The following ZNF335 variants were observed in gnomAD, a reference collection of about 807,000 sequenced individuals.
ZNF335 encodes the protein zinc finger protein 335, also known as NRC-interacting factor 1.
A neutral mutation model predicts 145.6 loss-of-function variants in ZNF335; 84 were observed. That is an observed-to-expected ratio of 0.58 (90% confidence interval 0.48 to 0.69). The LOEUF (loss-of-function observed/expected upper bound fraction) is 0.69, where lower values mean the gene tolerates loss of function less well. Among genes scored for constraint, ZNF335 ranks in the 30% least tolerant of loss-of-function variants. The pLI is 0.00. For missense variants in ZNF335, 1,865 were observed against 1,809.7 expected, an observed-to-expected ratio of 1.03 and a Z score of -0.55; for synonymous variants, 761 against 717.0, an observed-to-expected ratio of 1.06 and a Z score of -0.98.
chr20:45,949,563 C>T lies in ZNF335; in HGVS notation c.3675G>A (p.Gln1225=), dbSNP rs902538647. 3.1e-6 allele frequency: 5 copies of T among 1,611,206 alleles called. No homozygotes were observed. Among genetic ancestry groups the T allele is most frequent in the Admixed American group, 3.3e-5 (2 of 59,852 alleles). Residue 1225 remains glutamine (Q), a synonymous_variant, in exon 25 of 28, where the codon CAG becomes CAA. Transcript: ENST00000322927. ...QHLVTSDNQV[Q]YIISQDGVQH... ...GGACACCATCCTGGGAGATGATATACTGCACCTGTTGGTGGGGGGGGCGGG... is the reference window on the plus strand; with the variant it reads ...GGACACCATCCTGGGAGATGATATATTGCACCTGTTGGTGGGGGGGGCGGG...
At chr20:45,965,480 TC>T in intron 7 of ZNF335, 147 bp downstream of exon 7, 1 of 904,882 alleles carries the variant, frequency 1.1e-6, no homozygotes, top group Non-Finnish European at 1.6e-6. Flanking sequence ...TTGAGGGCTT[TC>T]CCCTTTCCCT....
chr20:45,960,583 C>G, intron 12 of ZNF335, 33 bp downstream of exon 12: 1 of 1,613,916 alleles, frequency 6.2e-7, no homozygotes, highest in Non-Finnish European at 8.5e-7. Flanking sequence ...AGGGGAGGCC[C>G]TCCTCTCAGC....
chr20:45,971,336 G>A lies in ZNF335; in HGVS notation c.75C>T (p.Ser25=), dbSNP rs754293621. The A allele has an allele frequency of 6.3e-7, 1 of 1,598,994 alleles. No individual in the cohort carries two copies. The highest frequency in any genetic ancestry group is 8.5e-7 in the Non-Finnish European group (1 of 1,179,132). Residue 25 remains serine (S), a synonymous_variant, in exon 2 of 28, where the codon AGC becomes AGT. Transcript: ENST00000322927. ...GPGRPEEPSE[S]GLGVGTSEAV... is the part of the protein sequence containing the mutation. Reference sequence around the variant, plus strand: ...CTTCTGAGGTGCCCACACCCAGGCCGCTCTCAGAGGGCTCCTCGGGCCGGC... The same window carrying A: ...CTTCTGAGGTGCCCACACCCAGGCCACTCTCAGAGGGCTCCTCGGGCCGGC...
chr20:45,955,890 G>A (rs567608670), intron 17 of ZNF335, among the ~76,000 whole-genome samples: 16 of 152,022 alleles, frequency 1.1e-4, no homozygotes, highest in African/African-American at 3.1e-4. Flanking sequence ...AATATAAAAC[G>A]AAAGAACCCA....
chr20:45,962,482 A>T (rs1320743445), intron 9 of ZNF335, among the ~76,000 whole-genome samples: 7 of 152,244 alleles, frequency 4.6e-5, no homozygotes, highest in Admixed American at 4.6e-4. Context: ...GCCAGGCAGC[A>T]TGGCGCCGCA....
At chr20:45,949,731 T>TC (rs2083592877) in intron 24 of ZNF335, 69 bp downstream of exon 24, 8 of 1,573,172 alleles carry the variant, frequency 5.1e-6, no homozygotes, top group Non-Finnish European at 7.0e-6. Flanking sequence ...GTATCATTCC[T>TC]CCCCAAGGTA....
chr20:45,970,755 G>GTTTTTT (rs5841616), intron 2 of ZNF335, among the ~76,000 whole-genome samples: 3 of 127,876 alleles, frequency 2.3e-5, no homozygotes, highest in Non-Finnish European at 3.3e-5. Flanking sequence ...GGGCACTTGC[G>GTTTTTT]TTTTTTTTTT....
rs2083812702 is a variant in ZNF335 at position 45,960,221 on chromosome 20, A to G, written c.2007T>C (p.Ala669=). The G allele has an allele frequency of 4.3e-6, 7 of 1,614,016 alleles. No homozygotes were observed. The highest frequency in any genetic ancestry group is 5.9e-6 in the Non-Finnish European group (7 of 1,180,016). ...GTCCAGCCTGACCTGTGTGCTTGAC[A>G]GCCACATGGGACAGCAAGAAGTCCT... The part of the protein sequence containing the change: ...FREDFLLSHV[A]VKHTGAKPFA... Residue 669 remains alanine, a synonymous_variant, in exon 14 of 28, where the codon GCT becomes GCC. Coordinates refer to ENST00000322927, the MANE Select transcript of ZNF335 (RefSeq NM_022095.4).
intron 20 of ZNF335, among the ~76,000 whole-genome samples, chr20:45,951,931 G>C (rs1277655509): frequency 6.6e-6 from 1 of 152,208 alleles, no homozygotes; most frequent in Non-Finnish European, 1.5e-5. Flanking sequence ...TCACACTCGG[G>C]ACACTGTGTC....
chr20:45,952,230 T>A lies in ZNF335; in HGVS notation c.3106A>T (p.Ser1036Cys). The change falls in exon 20 of 28, where the codon AGT (serine) becomes TGT (cysteine). Residue 1036 changes from serine (S) to cysteine (C), a missense_variant. By Grantham distance (112) the Ser-to-Cys change is moderately radical. Transcript: ENST00000322927. ...GGCCCAGCGTGGGCCCGCTTGTGAC[T>A]CTCCATCTCAGCTCGGCCAGGGAAG... is the stretch of plus-strand genomic sequence containing the variant. ...EAFPGRAEME[S>C]HKRAHAGPGA... The A allele has an allele frequency of 1.2e-6, 2 of 1,613,216 alleles. No homozygotes were observed. Among genetic ancestry groups the A allele is most frequent in the Non-Finnish European group, 8.5e-7 (1 of 1,179,990 alleles).
Position 45,963,501 on chromosome 20 carries a change from T to C in ZNF335, c.1505A>G (p.Tyr502Cys), listed in dbSNP as rs753888773. ...GAGCGAGGACCAGCGGCGGGAACGA[T>C]AGCTGCACTGCAGGCACTTGAAGAG... is the stretch of plus-strand genomic sequence containing the variant. Reference protein sequence around the residue: ...PQLFKCLQCSYRSRRWSSLKE... With the variant: ...PQLFKCLQCSCRSRRWSSLKE... The change falls in exon 9 of 28, where the codon TAT becomes TGT. Residue 502 changes from tyrosine (Y) to cysteine (C), a missense_variant. By Grantham distance (194) the Tyr-to-Cys change is radical. Transcript: ENST00000322927. The C allele has an allele frequency of 5.6e-6, 9 of 1,613,708 alleles. No individual in the cohort carries two copies. Among genetic ancestry groups the C allele is most frequent in the Middle Eastern group, 1.6e-4 (1 of 6,080 alleles).
chr20:45,960,117 G>C (rs535481225), intron 14 of ZNF335, 91 bp downstream of exon 14: 7 of 1,447,902 alleles, frequency 4.8e-6, no homozygotes, highest in African/African-American at 2.9e-5. Flanking sequence ...GGGCTACCGA[G>C]GGGGAAGGAA....
intron 17 of ZNF335, among the ~76,000 whole-genome samples, chr20:45,955,292 A>G (rs929502136): frequency 7.0e-6 from 1 of 142,506 alleles, no homozygotes; most frequent in Admixed American, 7.3e-5. Flanking sequence ...CGGAGGTTGC[A>G]GTGAGCCGAG....
intron 2 of ZNF335, among the ~76,000 whole-genome samples, chr20:45,970,938 C>T (rs1319980572): frequency 6.6e-6 from 1 of 152,198 alleles, no homozygotes. Context: ...AGTATAGTAG[C>T]TAAGACCACA....
In ZNF335 at chr20:45,950,032, C is replaced by T. The variant is rs2083600323; in HGVS notation, c.3525G>A (p.Glu1175=). ...LQSSHGVLGP[E]RLQQALSQEH... is the part of the protein sequence containing the mutation. The stretch of plus-strand genomic sequence containing the variant: ...CCTGGCTCAGTGCCTGCTGTAGCCG[C>T]TCTGGGCCCAGGACCCCGTGACTGG... The change falls in exon 23 of 28, where the codon GAG becomes GAA. Residue 1175 remains glutamate (E), a synonymous_variant. Coordinates refer to ENST00000322927, the MANE Select transcript of ZNF335 (RefSeq NM_022095.4). The T allele has an allele frequency of 6.2e-7, 1 of 1,613,968 alleles. No individual in the cohort carries two copies. Among genetic ancestry groups the T allele is most frequent in the African/African-American group, 1.3e-5 (1 of 74,920 alleles).
chr20:45,949,868 C>T lies in ZNF335; in HGVS notation c.3601G>A (p.Ala1201Thr), dbSNP rs145073985. Residue 1201 changes from alanine to threonine, a missense_variant, in exon 24 of 28, where the codon GCC becomes ACC. By Grantham distance (58) the Ala-to-Thr change is moderately conservative. Transcript: ENST00000322927. ...GCCGTGGTGATCTCTTGGATGTAGG[C>T]GGCTTCCTCCTGCCAGGACCAAGAC... ...EQTVTNQEEA[A>T]YIQEITTADG... 35 of 1,613,922 alleles carry T rather than the reference C, an allele frequency of 2.2e-5. No individual in the cohort carries two copies. The highest frequency in any genetic ancestry group is 1.5e-4 in the African/African-American group (11 of 74,880).
rs142168624 is a variant in ZNF335, at chr20:45,967,873, G to T, written c.675C>A (p.Ala225=). 5 of 1,612,774 alleles carry T rather than the reference G, an allele frequency of 3.1e-6. No homozygotes were observed. Among genetic ancestry groups the T allele is most frequent in the Non-Finnish European group, 4.2e-6 (5 of 1,179,672 alleles). ...CCAGGCTCTGCAGGTCCGGCTCTTC[G>T]GCACCGGAGGCTGGGGGCAGCTGCA... The part of the protein sequence containing the change: ...SPVQLPPASG[A]EEPDLQSLEA... Residue 225 remains alanine (A), a synonymous_variant, in exon 5 of 28, where the codon GCC becomes GCA. Transcript: ENST00000322927.
Position 45,957,585 on chromosome 20 carries a change from C to T in ZNF335, c.2442+1G>A, listed in dbSNP as rs201050033. 1.5e-5 allele frequency: 25 copies of T among 1,613,982 alleles called. No homozygotes were observed. The East Asian group carries it at 4.5e-4, about 29-fold the overall frequency. ...GGGGAGCAGGTTCCCAGGCAGCTCA[C>T]CTGCAGGGCTGTGCCCCCCAGTTCC... is the stretch of plus-strand genomic sequence containing the variant. On this transcript the variant is annotated splice_donor_variant, in intron 17 of 27. Coordinates refer to ENST00000322927, the MANE Select transcript of ZNF335 (RefSeq NM_022095.4). LOFTEE classifies it high-confidence loss of function.
Position 45,952,133 on chromosome 20 carries a change from C to A in ZNF335, c.3189+14G>T. 1 of 1,573,948 alleles carries A rather than the reference C, an allele frequency of 6.4e-7. No individual in the cohort carries two copies. The highest frequency in any genetic ancestry group is 1.8e-5 in the Admixed American group (1 of 54,670). ...ATGAATGACAGCAGAGACACAGGAG[C>A]AACCAGCACCTACCCGGACCTCGGG... is the stretch of plus-strand genomic sequence containing the variant. On this transcript the variant is annotated intron_variant, in intron 20 of 27. Transcript: ENST00000322927.
Sources: allele counts gnomAD v4.1 joint callset (sites outside exome capture counted in the v4.1 genomes callset), GRCh38; gene constraint gnomAD v4.1.1; transcripts MANE v1.5; gene names NCBI Gene and HGNC (gene_info 2026-07-23, HGNC 2026-07-21).